The following FNBP4 variants were observed in gnomAD, a reference collection of about 807,000 sequenced individuals.
The protein encoded by FNBP4 is formin binding protein 4, also known as formin-binding protein 4.
FNBP4 carries 34 observed loss-of-function variants against 119.3 expected under a neutral mutation model. The ratio of observed to expected loss-of-function variants is 0.28; its 90% CI spans 0.22 to 0.38. FNBP4 has a LOEUF of 0.38. Ranked by LOEUF, FNBP4 falls within the 10% of genes least tolerant of loss-of-function variation. FNBP4 has a pLI of 1.00. For synonymous variants in FNBP4, 462 were observed against 430.6 expected, an observed-to-expected ratio of 1.07 and a Z score of -0.90; for missense variants, 1,112 against 1,228.9, an observed-to-expected ratio of 0.90 and a Z score of 1.42.
intron 8 of FNBP4, among the ~76,000 whole-genome samples, chr11:47,738,264 G>A (rs554980922): frequency 6.6e-6 from 1 of 152,186 alleles, no homozygotes; most frequent in South Asian, 2.1e-4. Flanking sequence ...CTGAATGACT[G>A]CCAGTTAAAA....
chr11:47,731,630 T>C, intron 11 of FNBP4, 69 bp from the exon 12 acceptor site: 1 of 1,540,482 alleles, frequency 6.5e-7, no homozygotes, highest in Non-Finnish European at 8.7e-7. Flanking sequence ...CATTTGGTCC[T>C]GTCCCAGGAC....
rs773029751 is a variant in FNBP4 at position 47,753,034 on chromosome 11, T to G, written c.519A>C (p.Pro173=). Residue 173 remains proline (P), a synonymous_variant, in exon 4 of 17, where the codon CCA becomes CCC. Coordinates refer to ENST00000263773, the MANE Select transcript of FNBP4 (RefSeq NM_015308.5). ...CTGCTTCCTTTGGCTCTGGTCGAGGTGGAGTTGGAGGTGGAGCAGAAGCTC... is the reference window on the plus strand; with the variant it reads ...CTGCTTCCTTTGGCTCTGGTCGAGGGGGAGTTGGAGGTGGAGCAGAAGCTC... The part of the protein sequence containing the change: ...PVGASAPPPT[P]PRPEPKEAAT... The G allele has an allele frequency of 1.2e-6, 2 of 1,613,888 alleles. No individual in the cohort carries two copies. The highest frequency in any genetic ancestry group is 3.3e-5 in the Admixed American group (2 of 59,978).
Position 47,755,137 on chromosome 11 carries a change from G to C in FNBP4, c.314-473C>G, listed in dbSNP as rs559751055. 2.6e-3 allele frequency among the ~76,000 whole-genome samples: 325 copies of C among 123,944 alleles called. 2 individuals are homozygous for C. The highest frequency in any genetic ancestry group is 6.3e-3 in the Middle Eastern group (1 of 160). 81.3% of individuals were successfully genotyped at this position (123,944 alleles called of 152,430 possible). A position where few individuals can be genotyped will look rare whatever the true frequency, so the allele number is the denominator to read the frequency against. On this transcript the variant is annotated intron_variant, in intron 2 of 16. Transcript: ENST00000263773. ...CAAAAGAGTAAGACTCTGTCTCCGG[G>C]GGTTAAAAAAAAAAAAAAAAAATTG...
At chr11:47,734,494 G>A (rs996981283) in intron 9 of FNBP4, among the ~76,000 whole-genome samples, 2 of 152,108 alleles carry the variant, frequency 1.3e-5, no homozygotes, top group Admixed American at 1.3e-4. Flanking sequence ...TGAGATTACA[G>A]ATGTGAGCCA....
Position 47,765,265 on chromosome 11 carries a change from C to T in FNBP4, c.313+5G>A. 1.3e-6 allele frequency: 2 copies of T among 1,592,512 alleles called. No homozygotes were observed. Among genetic ancestry groups the T allele is most frequent in the Admixed American group, 1.8e-5 (1 of 55,932 alleles). On this transcript the variant is annotated splice_donor_5th_base_variant and intron_variant, in intron 2 of 16. Coordinates refer to ENST00000263773, the MANE Select transcript of FNBP4 (RefSeq NM_015308.5). The stretch of plus-strand genomic sequence containing the variant: ...AAAAATGTAAAAAACAAAACAAAAG[C>T]ATACCTGTTGCTTTAACAGCTGTGG...
chr11:47,730,709 A>T (rs1326722875), intron 12 of FNBP4, among the ~76,000 whole-genome samples: 3 of 152,236 alleles, frequency 2.0e-5, no homozygotes, highest in Non-Finnish European at 4.4e-5. Context: ...TACACATTGG[A>T]AACTTTTTAA....
At chr11:47,746,452 A>G in intron 6 of FNBP4, 58 bp from the exon 7 acceptor site, 1 of 1,349,820 alleles carries the variant, frequency 7.4e-7, no homozygotes, top group South Asian at 1.4e-5. Context: ...TCACCTGCAC[A>G]TACATTCAAT....
In FNBP4 at chr11:47,744,051, C is replaced by T. The variant is rs1322779809; in HGVS notation, c.1358G>A (p.Arg453Lys). 1 of 1,614,140 alleles carries T rather than the reference C, an allele frequency of 6.2e-7. No homozygotes were observed. The highest frequency in any genetic ancestry group is 1.7e-5 in the Admixed American group (1 of 59,992). ...TCGAACAAACATCTTCCATTTTCCT[C>T]TTTTAGACATAAGCCTACGCATTCC... ...QDGMRRLMSK[R>K]GKWKMFVRAT... The change falls in exon 8 of 17, where the codon AGA becomes AAA. Residue 453 changes from arginine to lysine, a missense_variant. Coordinates refer to ENST00000263773, the MANE Select transcript of FNBP4 (RefSeq NM_015308.5).
At position 47,732,031 on chromosome 11, in the gene FNBP4, A is replaced by G. The variant is rs992940889; in HGVS notation, c.1821-470T>C. ...GCTAAAGAGAGGGAGAGGATCTGGGAGCTGAAAAATAAAAGAGCAAAGATT... is the reference window on the plus strand; with the variant it reads ...GCTAAAGAGAGGGAGAGGATCTGGGGGCTGAAAAATAAAAGAGCAAAGATT... On this transcript the variant is annotated intron_variant, in intron 11 of 16. Transcript: ENST00000263773. This position sits in a 1 kb window ranked among gnomAD's most constrained non-coding sequence, Gnocchi z 4.2. The G allele has an allele frequency of 1.8e-5, 18 of 992,264 alleles. No homozygotes were observed. 61.5% of individuals were successfully genotyped at this position (992,264 alleles called of 1,614,324 possible). A position where few individuals can be genotyped will look rare whatever the true frequency, so the allele number is the denominator to read the frequency against.
At chr11:47,730,298 G>T in intron 12 of FNBP4, 1 of 899,148 alleles carries the variant, frequency 1.1e-6, no homozygotes, top group Non-Finnish European at 1.3e-6. Flanking sequence ...AAAGGGAAGT[G>T]AAATGCCCTG....
intron 2 of FNBP4, among the ~76,000 whole-genome samples, chr11:47,755,567 T>C (rs1004499914): frequency 6.6e-6 from 1 of 151,772 alleles, no homozygotes; most frequent in African/African-American, 2.4e-5. Flanking sequence ...GGAAGATCAT[T>C]TGAGCCCAGA....
chr11:47,736,815 A>G, intron 8 of FNBP4, 75 bp from the exon 9 acceptor site: 1 of 1,270,134 alleles, frequency 7.9e-7, no homozygotes, highest in Middle Eastern at 2.0e-4. Context: ...CCCCCATAGC[A>G]GATATCTGCA....
In FNBP4 at chr11:47,717,416, T is replaced by A; in HGVS notation, c.*6A>T. On this transcript the variant is annotated 3_prime_UTR_variant, in exon 17 of 17. Transcript: ENST00000263773. ...ATAATACAAAAAAGTTTTAAAAACT[T>A]AAAAACTATGTGTTTGGAGCCATTT... 1 of 1,602,088 alleles carries A rather than the reference T, an allele frequency of 6.2e-7. No individual in the cohort carries two copies. The highest frequency in any genetic ancestry group is 8.5e-7 in the Non-Finnish European group (1 of 1,173,592).
rs1444687813 is a variant in FNBP4 at position 47,767,130 on chromosome 11, C to CGCCGACGGGGCGGGCTGGCTGGGG, written c.135_158dup (p.Pro46_Ala53dup). The CGCCGACGGGGCGGGCTGGCTGGGG allele has an allele frequency of 6.5e-7, 1 of 1,541,648 alleles. No individual in the cohort carries two copies. Among genetic ancestry groups the CGCCGACGGGGCGGGCTGGCTGGGG allele is most frequent in the African/African-American group, 1.4e-5 (1 of 72,022 alleles). ...TCACCGCGGTGGTGGTGGTCGTCGCCGCCGACGGGGCGGGCTGGCTGGGGA... is the reference window on the plus strand; with the variant it reads ...TCACCGCGGTGGTGGTGGTCGTCGCCGCCGACGGGGCGGGCTGGCTGGGGGCCGACGGGGCGGGCTGGCTGGGGA... On this transcript the variant is annotated inframe_insertion, in exon 1 of 17. Coordinates refer to ENST00000263773, the MANE Select transcript of FNBP4 (RefSeq NM_015308.5).
rs781663800 is a variant in FNBP4, at chr11:47,734,063, A to G, written c.1648T>C (p.Ser550Pro). The G allele has an allele frequency of 1.3e-5, 21 of 1,590,706 alleles. No homozygotes were observed. The highest frequency in any genetic ancestry group is 1.7e-4 in the Middle Eastern group (1 of 5,938). ...KFEFLGINRQ[S>P]ISNFHVLLLQ... ...AGCAGCACATGAAAGTTGGAGATGGATTGTCTATTAATGCCTAGAAACTCG... is the reference window on the plus strand; with the variant it reads ...AGCAGCACATGAAAGTTGGAGATGGGTTGTCTATTAATGCCTAGAAACTCG... The change falls in exon 10 of 17, where the codon TCC (serine) becomes CCC (proline). Residue 550 changes from serine (S) to proline (P), a missense_variant. Physicochemically the swap from Ser to Pro is moderately conservative, Grantham distance 74. This residue lies in a region of FNBP4 where 826 missense variants were observed against 988.8 expected (regional missense o/e 0.84). Transcript: ENST00000263773.
In FNBP4 at chr11:47,718,911, T is replaced by G. The variant is rs550283528; in HGVS notation, c.2963+1018A>C. Among the ~76,000 whole-genome samples, 12 of 151,530 alleles carry G rather than the reference T, an allele frequency of 7.9e-5. No homozygotes were observed. The South Asian group carries it at 1.9e-3, about 24-fold the overall frequency. ...CACAGTGCCCACCCAACATGTTTTTTTTTTTTTTTTTTGAGATGGAGTCTT... is the reference window on the plus strand; with the variant it reads ...CACAGTGCCCACCCAACATGTTTTTGTTTTTTTTTTTTGAGATGGAGTCTT... On this transcript the variant is annotated intron_variant, in intron 16 of 16. Coordinates refer to ENST00000263773, the MANE Select transcript of FNBP4 (RefSeq NM_015308.5).
intron 14 of FNBP4, 106 bp downstream of exon 14, chr11:47,723,922 C>G: frequency 1.1e-6 from 1 of 944,000 alleles, no homozygotes; most frequent in Non-Finnish European, 1.5e-6. Flanking sequence ...TACTGACAGT[C>G]TTTGCAATCA....
chr11:47,749,970 A>T (rs2097598669), intron 6 of FNBP4, among the ~76,000 whole-genome samples: 1 of 152,114 alleles, frequency 6.6e-6, no homozygotes, highest in Admixed American at 6.6e-5. Flanking sequence ...TTATATATGG[A>T]ATCCGAAAAA....
intron 16 of FNBP4, among the ~76,000 whole-genome samples, chr11:47,719,462 CA>C (rs2097552999): frequency 6.6e-6 from 1 of 152,050 alleles, no homozygotes; most frequent in Non-Finnish European, 1.5e-5. Context: ...AATATAGGGA[CA>C]GGGGAAAAAC....
Sources: allele counts gnomAD v4.1 joint callset (sites outside exome capture counted in the v4.1 genomes callset), GRCh38; gene constraint gnomAD v4.1.1; regional missense constraint gnomAD v4.1.1; non-coding constraint Gnocchi (gnomAD v3.1); transcripts MANE v1.5; gene names NCBI Gene and HGNC (gene_info 2026-07-23, HGNC 2026-07-21).